Variants in PXDNL observed in about 807,000 individuals in gnomAD.
PXDNL encodes probable oxidoreductase PXDNL.
PXDNL carries 145 observed loss-of-function variants against 150.8 expected under a neutral mutation model. The ratio of observed to expected loss-of-function variants is 0.96; its 90% CI spans 0.84 to 1.10. The LOEUF is 1.10. PXDNL is among the 50% of genes least tolerant of loss of function. PXDNL has a pLI of 0.00. For synonymous variants in PXDNL, 757 were observed against 725.7 expected (o/e 1.04, Z -0.69); for missense variants, 2,087 against 1,873.9 (o/e 1.11, Z -2.10).
At chr8:51,558,412 G>A (rs1812640424) in intron 3 of PXDNL, among the ~76,000 whole-genome samples, 3 of 152,038 alleles carry the variant, frequency 2.0e-5, no homozygotes, top group African/African-American at 7.2e-5. Flanking sequence ...CTACCTCCTG[G>A]TAAAGGCCCT....
At chr8:51,488,653 A>C (rs10089640) in intron 5 of PXDNL, among the ~76,000 whole-genome samples, 2,107 of 152,340 alleles carry the variant, frequency 0.014, 52 homozygotes, top group African/African-American at 0.047. Flanking sequence ...CAATTGTTCA[A>C]ACTAAAATTT....
intron 4 of PXDNL, among the ~76,000 whole-genome samples, chr8:51,517,340 G>A (rs576398713): frequency 4.6e-5 from 7 of 152,084 alleles, no homozygotes; most frequent in African/African-American, 7.2e-5. Context: ...CAAAATATAC[G>A]AAAATATATT....
At chr8:51,671,113 C>A (rs1815491296) in intron 1 of PXDNL, among the ~76,000 whole-genome samples, 1 of 152,088 alleles carries the variant, frequency 6.6e-6, no homozygotes, top group Non-Finnish European at 1.5e-5. Context: ...TTGACTTGAA[C>A]TAGTATGAAT....
intron 3 of PXDNL, among the ~76,000 whole-genome samples, chr8:51,570,673 A>G (rs1408615946): frequency 2.0e-5 from 3 of 151,822 alleles, no homozygotes; most frequent in Admixed American, 2.0e-4. Flanking sequence ...CCTTTTATCC[A>G]CTATTCATGT....
At chr8:51,424,491 C>A (rs1349629981) in intron 13 of PXDNL, among the ~76,000 whole-genome samples, 1 of 151,578 alleles carries the variant, frequency 6.6e-6, no homozygotes, top group Admixed American at 6.6e-5. Flanking sequence ...TGTATGTACT[C>A]ATATGTTTTG....
intron 2 of PXDNL, among the ~76,000 whole-genome samples, chr8:51,622,036 A>G (rs973034824): frequency 2.6e-5 from 4 of 151,832 alleles, no homozygotes; most frequent in African/African-American, 7.3e-5. Flanking sequence ...TAATCTCAGG[A>G]GCCCTTTAAA....
intron 1 of PXDNL, among the ~76,000 whole-genome samples, chr8:51,658,702 T>C (rs1172770689): frequency 6.6e-6 from 1 of 152,252 alleles, no homozygotes; most frequent in Non-Finnish European, 1.5e-5. Flanking sequence ...AATGATACTG[T>C]GTAAGTATGT....
chr8:51,453,343 GA>G (rs964495087), intron 10 of PXDNL, among the ~76,000 whole-genome samples, 175 bp downstream of exon 10: 3 of 151,578 alleles, frequency 2.0e-5, no homozygotes, highest in African/African-American at 7.3e-5. Context: ...AAGTAGGAAA[GA>G]AAAAAAACAA....
chr8:51,800,403 T>C (rs1224367238), intron 1 of PXDNL, among the ~76,000 whole-genome samples: 1 of 152,170 alleles, frequency 6.6e-6, no homozygotes, highest in East Asian at 1.9e-4. Flanking sequence ...TATTCCCTGA[T>C]TCAGATAAGA....
chr8:51,362,752 G>C (rs1806795861), intron 19 of PXDNL, among the ~76,000 whole-genome samples: 1 of 152,312 alleles, frequency 6.6e-6, no homozygotes, highest in East Asian at 1.9e-4. Flanking sequence ...TTGAAAGAGG[G>C]ATAGTCTAAA....
rs978925783 is a variant in PXDNL, at chr8:51,639,745, T to C, written c.236+14944A>G. Among the ~76,000 whole-genome samples the C allele has an allele frequency of 2.6e-5, 4 of 152,138 alleles. No homozygotes were observed. In the East Asian group the frequency reaches 7.8e-4, roughly 30 times the overall value. ...CAACCAAAAAGAGTCCAGGACCAGATGGATTCACAGCCGAATTCTACCAGA... is the reference window on the plus strand; with the variant it reads ...CAACCAAAAAGAGTCCAGGACCAGACGGATTCACAGCCGAATTCTACCAGA... On this transcript the variant is annotated intron_variant, in intron 2 of 22. Transcript: ENST00000356297.
intron 19 of PXDNL, among the ~76,000 whole-genome samples, chr8:51,348,992 T>C (rs1247300619): frequency 6.6e-6 from 1 of 152,026 alleles, no homozygotes; most frequent in African/African-American, 2.4e-5. Flanking sequence ...GATGGATGAG[T>C]CTAGTGTGGA....
At chr8:51,533,659 T>G (rs1322403666) in intron 4 of PXDNL, among the ~76,000 whole-genome samples, 1 of 150,534 alleles carries the variant, frequency 6.6e-6, no homozygotes, top group African/African-American at 2.5e-5. Context: ...GGTTTTCGTT[T>G]TTTTTTTGGT....
At chr8:51,480,220 C>A (rs1283195857) in intron 6 of PXDNL, among the ~76,000 whole-genome samples, 2 of 152,110 alleles carry the variant, frequency 1.3e-5, no homozygotes, top group African/African-American at 2.4e-5. Context: ...CTGTATTAGG[C>A]CATTCTTGCA....
intron 1 of PXDNL, among the ~76,000 whole-genome samples, chr8:51,777,040 G>A (rs1016825711): frequency 7.9e-5 from 12 of 152,204 alleles, no homozygotes; most frequent in Admixed American, 7.2e-4. Flanking sequence ...TCATATTAAA[G>A]TAAAAGCAAA....
At chr8:51,583,709 C>T (rs1054047691) in intron 3 of PXDNL, among the ~76,000 whole-genome samples, 7 of 152,020 alleles carry the variant, frequency 4.6e-5, no homozygotes, top group African/African-American at 1.5e-4. Context: ...GTGTTTATTA[C>T]ATTATTGTTG....
chr8:51,809,302 C>G lies in PXDNL; in HGVS notation c.43G>C (p.Ala15Pro), dbSNP rs765215352. ...GGCAACCCTGGCAGGCACCACCCGG[C>G]CAGGAGAAAGAGAGTGGTCCAGCAG... ...LFCWTTLFLL[A>P]GWCLPGLPCP... The change falls in exon 1 of 23, where the codon GCC (alanine) becomes CCC (proline). Residue 15 changes from alanine to proline, a missense_variant. Transcript: ENST00000356297. 5.7e-6 allele frequency: 9 copies of G among 1,578,702 alleles called. No individual in the cohort carries two copies. The highest frequency in any genetic ancestry group is 7.7e-6 in the Non-Finnish European group (9 of 1,162,228).
intron 1 of PXDNL, among the ~76,000 whole-genome samples, chr8:51,735,776 G>A (rs186577214): frequency 1.3e-5 from 2 of 151,470 alleles, no homozygotes; most frequent in East Asian, 2.0e-4. Flanking sequence ...TCGATCTCCT[G>A]ACCTCGTGAT....
At position 51,339,633 on chromosome 8, in the gene PXDNL, G is replaced by T. The variant is rs138123996; in HGVS notation, c.4137C>A (p.Leu1379=). The T allele has an allele frequency of 1.4e-3, 2,258 of 1,613,180 alleles. 59 individuals are homozygous for T. In the East Asian group the frequency reaches 0.037, roughly 27 times the overall value. ...TGAAGAGAAAACAAACCTGCTCTCT[G>T]AGTGCTGTGATGGTTTCCTGAATTT... is the stretch of plus-strand genomic sequence containing the variant. The part of the protein sequence containing the change: ...AAEIQETITA[L]REQINKLEAR... Residue 1379 remains leucine (L), a synonymous_variant, in exon 21 of 23, where the codon CTC becomes CTA. Transcript: ENST00000356297.
Sources: allele counts gnomAD v4.1 joint callset (sites outside exome capture counted in the v4.1 genomes callset), GRCh38; gene constraint gnomAD v4.1.1; transcripts MANE v1.5; gene names NCBI Gene and HGNC (gene_info 2026-07-23, HGNC 2026-07-21).